REDIC1: variants seen among roughly 807,000 people sequenced by gnomAD.
The protein encoded by REDIC1 is regulator of DNA class I crossover intermediates 1, also known as HEI10 Interacting Protein 1.
chr12:39,860,366 G>A, the REDIC1 span, among the ~76,000 whole-genome samples: 2 of 152,140 alleles, frequency 1.3e-5, no homozygotes, highest in African/African-American at 4.8e-5. Flanking sequence ...AACTACTAGT[G>A]GTTTACAAAT....
the REDIC1 span, among the ~76,000 whole-genome samples, chr12:39,690,354 G>A: frequency 6.6e-6 from 1 of 151,966 alleles, no homozygotes; most frequent in African/African-American, 2.4e-5. Context: ...GTTTAGTAGA[G>A]GAATAAAGTT....
the REDIC1 span, among the ~76,000 whole-genome samples, chr12:39,695,047 A>T: frequency 1.3e-5 from 2 of 152,016 alleles, no homozygotes; most frequent in African/African-American, 2.4e-5. Flanking sequence ...TCCTGGCAAG[A>T]TTCATCACCT....
the REDIC1 span, among the ~76,000 whole-genome samples, chr12:39,689,077 A>G: frequency 3.3e-5 from 5 of 152,208 alleles, no homozygotes; most frequent in East Asian, 1.9e-4. Context: ...ATGTGGCCAT[A>G]TGGCTAGATC....
chr12:39,683,280 A>AGAATGGCTTCCTATTATATAACATTGT, the REDIC1 span: 1 of 1,132,154 alleles, frequency 8.8e-7, no homozygotes, highest in Admixed American at 2.7e-5. Flanking sequence ...AACCAAAAAT[A>AGAATGGCTTCCTATTATATAACATTGT]GAATGGCTTC....
At chr12:39,746,543 T>A in the REDIC1 span, among the ~76,000 whole-genome samples, 7 of 152,230 alleles carry the variant, frequency 4.6e-5, no homozygotes, top group Non-Finnish European at 1.0e-4. Context: ...CTCTGCAGAC[T>A]TAAATGTCCC....
the REDIC1 span, among the ~76,000 whole-genome samples, chr12:39,826,410 A>AT: frequency 1.3e-5 from 2 of 148,432 alleles, no homozygotes; most frequent in Non-Finnish European, 3.0e-5. Context: ...TAATTGGTTT[A>AT]TTTTTTATTG....
the REDIC1 span, among the ~76,000 whole-genome samples, chr12:39,702,453 AC>A: frequency 6.6e-5 from 10 of 152,292 alleles, no homozygotes; most frequent in African/African-American, 1.9e-4. Context: ...TAGCTTACCA[AC>A]CAAAAAGAGT....
the REDIC1 span, among the ~76,000 whole-genome samples, chr12:39,699,791 C>T: frequency 6.6e-6 from 1 of 152,166 alleles, no homozygotes; most frequent in Admixed American, 6.5e-5. Flanking sequence ...GACCCCTGAC[C>T]CCCGAGCAGC....
At chr12:39,875,328 T>G in the REDIC1 span, among the ~76,000 whole-genome samples, 2 of 152,192 alleles carry the variant, frequency 1.3e-5, no homozygotes, top group Non-Finnish European at 2.9e-5. Context: ...CAACAATGAT[T>G]TGTCAAGTCC....
the REDIC1 span, chr12:39,646,492 G>T: frequency 6.5e-7 from 1 of 1,531,830 alleles, no homozygotes; most frequent in Non-Finnish European, 8.8e-7. Flanking sequence ...ATATTATTAG[G>T]TGTTTAAACT....
At chr12:39,633,515 A>AG in the REDIC1 span, among the ~76,000 whole-genome samples, 4 of 152,234 alleles carry the variant, frequency 2.6e-5, no homozygotes, top group African/African-American at 7.2e-5. Context: ...ATGTGCTAAA[A>AG]TAAGTATAGT....
the REDIC1 span, among the ~76,000 whole-genome samples, chr12:39,810,038 G>C: frequency 1.3e-5 from 2 of 152,074 alleles, no homozygotes; most frequent in Non-Finnish European, 2.9e-5. Context: ...GGGATGGCTG[G>C]GGCAAATGGT....
At chr12:39,678,421 G>C in the REDIC1 span, among the ~76,000 whole-genome samples, 1 of 151,780 alleles carries the variant, frequency 6.6e-6, no homozygotes, top group Non-Finnish European at 1.5e-5. Context: ...CCAATGACAA[G>C]TAGTGAGATT....
the REDIC1 span, among the ~76,000 whole-genome samples, chr12:39,762,175 G>A: frequency 3.9e-5 from 6 of 152,066 alleles, no homozygotes; most frequent in African/African-American, 1.4e-4. Flanking sequence ...GGAGGAGTGT[G>A]GGCAGACCTG....
the REDIC1 span, among the ~76,000 whole-genome samples, chr12:39,798,072 T>C: frequency 2.6e-5 from 4 of 152,144 alleles, no homozygotes; most frequent in East Asian, 7.7e-4. Context: ...CTTTCTTGGA[T>C]CATTCACTTT....
chr12:39,711,929 ATATG>A, the REDIC1 span, among the ~76,000 whole-genome samples: 2 of 125,836 alleles, frequency 1.6e-5, no homozygotes, highest in Non-Finnish European at 3.5e-5. Flanking sequence ...ATACATGTCT[ATATG>A]TATATAGACA....
At chr12:39,711,251 T>A in the REDIC1 span, among the ~76,000 whole-genome samples, 1 of 149,888 alleles carries the variant, frequency 6.7e-6, no homozygotes, top group Admixed American at 6.7e-5. Context: ...GTGATGTGTA[T>A]ATATATATGT....
At chr12:39,675,046 C>CTG in the REDIC1 span, among the ~76,000 whole-genome samples, 1 of 152,066 alleles carries the variant, frequency 6.6e-6, no homozygotes, top group Non-Finnish European at 1.5e-5. Flanking sequence ...GATCTCAGCA[C>CTG]TGTGTGCCCA....
chr12:39,812,352 C>CTT, the REDIC1 span, among the ~76,000 whole-genome samples: 2 of 127,856 alleles, frequency 1.6e-5, no homozygotes, highest in Non-Finnish European at 3.3e-5. Flanking sequence ...CTTTTCTTTT[C>CTT]TTTTCTTTTC....
Sources: gnomAD v4.1 joint callset for allele counts (sites outside exome capture counted in the v4.1 genomes callset) on GRCh38, gnomAD v4.1.1 for gene constraint, MANE v1.5 for transcripts, NCBI Gene and HGNC (gene_info 2026-07-23, HGNC 2026-07-21) for gene names.